The following TMEM244 variants were observed in gnomAD, a reference collection of about 807,000 sequenced individuals.
TMEM244 encodes transmembrane protein 244.
TMEM244 carries 13 observed loss-of-function variants against 15.8 expected under a neutral mutation model. The ratio of observed to expected loss-of-function variants is 0.82; its 90% confidence interval spans 0.53 to 1.30. TMEM244 has a LOEUF of 1.30. TMEM244 is among the 50% of genes most tolerant of loss of function. The pLI, the probability that TMEM244 is intolerant of heterozygous loss-of-function variation, is 0.00. For synonymous variants in TMEM244, 45 were observed against 48.7 expected, an observed-to-expected ratio of 0.92 and a Z score of 0.32; for missense variants, 161 against 144.9, an observed-to-expected ratio of 1.11 and a Z score of -0.57.
intron 1 of TMEM244, among the ~76,000 whole-genome samples, chr6:129,858,108 C>T (rs2876063): frequency 0.54 from 82,619 of 151,722 alleles, 23,099 homozygotes; most frequent in South Asian, 0.63. Context: ...ATTTTTATGA[C>T]GAGTTCTTGG....
At chr6:129,844,698 G>A (rs527285718) in intron 2 of TMEM244, among the ~76,000 whole-genome samples, 1 of 152,138 alleles carries the variant, frequency 6.6e-6, no homozygotes, top group African/African-American at 2.4e-5. Flanking sequence ...AGAGAGTCTT[G>A]CCTTCTCCTT....
chr6:129,837,183 G>A (rs182924596), intron 3 of TMEM244, among the ~76,000 whole-genome samples: 3 of 152,176 alleles, frequency 2.0e-5, no homozygotes, highest in African/African-American at 7.2e-5. Flanking sequence ...AGAAAGGTTG[G>A]GTTACCCACA....
At chr6:129,842,020 A>T (rs1776497784) in intron 3 of TMEM244, among the ~76,000 whole-genome samples, 1 of 152,138 alleles carries the variant, frequency 6.6e-6, no homozygotes, top group Non-Finnish European at 1.5e-5. Flanking sequence ...TCTTTGTACA[A>T]ATGTTTGTGT....
At chr6:129,853,963 G>T (rs1453345659) in intron 1 of TMEM244, among the ~76,000 whole-genome samples, 2 of 152,204 alleles carry the variant, frequency 1.3e-5, no homozygotes, top group African/African-American at 4.8e-5. Context: ...CTCTCCTGGA[G>T]TTGAAAGCCA....
intron 1 of TMEM244, among the ~76,000 whole-genome samples, chr6:129,857,149 G>T (rs944189519): frequency 5.9e-5 from 9 of 151,558 alleles, no homozygotes; most frequent in Admixed American, 2.0e-4. Flanking sequence ...TTTTAAAATT[G>T]TTTGTGTTAG....
chr6:129,839,024 T>C (rs1776449037), intron 3 of TMEM244, among the ~76,000 whole-genome samples: 1 of 152,204 alleles, frequency 6.6e-6, no homozygotes, highest in African/African-American at 2.4e-5. Flanking sequence ...GTACCATTCC[T>C]TCTGAAAGTA....
chr6:129,840,387 C>T (rs1776472523), intron 3 of TMEM244, among the ~76,000 whole-genome samples: 1 of 152,044 alleles, frequency 6.6e-6, no homozygotes, highest in African/African-American at 2.4e-5. Context: ...ATGCAGAAAA[C>T]TGAAACTGGA....
intron 1 of TMEM244, among the ~76,000 whole-genome samples, chr6:129,855,063 T>C (rs137988465): frequency 6.6e-6 from 1 of 152,274 alleles, no homozygotes; most frequent in African/African-American, 2.4e-5. Flanking sequence ...CTGGTCTAGG[T>C]GACAAACAGA....
chr6:129,835,951 A>C (rs4441964), intron 3 of TMEM244, among the ~76,000 whole-genome samples: 23,636 of 152,196 alleles, frequency 0.16, 2,999 homozygotes, highest in African/African-American at 0.34. Context: ...AGCAAGGCCT[A>C]CTGCCTCTAT....
chr6:129,850,165 A>G lies in TMEM244; in HGVS notation c.34-4313T>C, dbSNP rs372481180. Among the ~76,000 whole-genome samples, 647 of 152,324 alleles carry G rather than the reference A, an allele frequency of 4.2e-3. 2 individuals carry two copies. The highest frequency in any genetic ancestry group is 6.5e-3 in the Admixed American group (100 of 15,288). On this transcript the variant is annotated intron_variant, in intron 1 of 4. Transcript: ENST00000368143. ...ACTTATGATGAGCTGAGGCAGTGGC[A>G]GGGGTTGCCATAGGCACAAGAAGCA...
intron 3 of TMEM244, among the ~76,000 whole-genome samples, chr6:129,839,808 A>G (rs1475859784): frequency 6.6e-6 from 1 of 152,238 alleles, no homozygotes; most frequent in African/African-American, 2.4e-5. Context: ...GAGCCAAAAC[A>G]TGAGTGAACT....
At chr6:129,854,569 A>G (rs545464588) in intron 1 of TMEM244, among the ~76,000 whole-genome samples, 2 of 152,346 alleles carry the variant, frequency 1.3e-5, no homozygotes, top group South Asian at 4.1e-4. Flanking sequence ...CACTCATCCA[A>G]ATAAACATGT....
chr6:129,858,526 A>C (rs1776750631), intron 1 of TMEM244, among the ~76,000 whole-genome samples: 1 of 152,154 alleles, frequency 6.6e-6, no homozygotes, highest in Non-Finnish European at 1.5e-5. Context: ...GCAGGACAGA[A>C]TCAATCTCTA....
intron 4 of TMEM244, 59 bp from the exon 5 acceptor site, chr6:129,831,445 A>G: frequency 1.7e-6 from 2 of 1,190,404 alleles, no homozygotes; most frequent in Non-Finnish European, 2.5e-6. Flanking sequence ...TTGCTCAAGA[A>G]GAAATACGTC....
At chr6:129,855,455 T>G (rs1321736340) in intron 1 of TMEM244, among the ~76,000 whole-genome samples, 1 of 152,132 alleles carries the variant, frequency 6.6e-6, no homozygotes, top group Non-Finnish European at 1.5e-5. Context: ...TTTCCCCAAA[T>G]TCTCACAGGC....
At chr6:129,859,591 C>T (rs1776771912) in intron 1 of TMEM244, among the ~76,000 whole-genome samples, 1 of 152,222 alleles carries the variant, frequency 6.6e-6, no homozygotes, top group South Asian at 2.1e-4. Flanking sequence ...ATGCCGTCTA[C>T]TGGAGTAGAA....
chr6:129,831,936 G>A (rs1053491703), intron 4 of TMEM244, among the ~76,000 whole-genome samples: 19 of 152,156 alleles, frequency 1.2e-4, no homozygotes, highest in African/African-American at 4.3e-4. Flanking sequence ...TGTTGGGGGC[G>A]GGGTGTCCAG....
Position 129,843,565 on chromosome 6 carries a change from T to C in TMEM244, c.158A>G (p.Lys53Arg). The C allele has an allele frequency of 6.2e-7, 1 of 1,612,700 alleles. No homozygotes were observed. The highest frequency in any genetic ancestry group is 8.5e-7 in the Non-Finnish European group (1 of 1,178,996). The change falls in exon 3 of 5, where the codon AAA (lysine) becomes AGA (arginine). Residue 53 changes from lysine (K) to arginine (R), a missense_variant. By Grantham distance (26) the Lys-to-Arg change is conservative (BLOSUM62 2). Transcript: ENST00000368143. ...ELNVLAPFDF[K>R]TNPSWLNINY... Reference sequence around the variant, plus strand: ...TATGTTGAGCCATGAGGGATTTGTTTTGAAATCAAATGGAGCCAGGACATT... The same window carrying C: ...TATGTTGAGCCATGAGGGATTTGTTCTGAAATCAAATGGAGCCAGGACATT...
intron 1 of TMEM244, among the ~76,000 whole-genome samples, chr6:129,857,817 CATAT>C (rs200895353): frequency 7.4e-5 from 11 of 149,650 alleles, no homozygotes; most frequent in Admixed American, 3.4e-4. Context: ...TATATACACA[CATAT>C]ATATATGTGT....
Sources: gnomAD v4.1 joint callset for allele counts (sites outside exome capture counted in the v4.1 genomes callset) on GRCh38, gnomAD v4.1.1 for gene constraint, MANE v1.5 for transcripts, NCBI Gene and HGNC (gene_info 2026-07-23, HGNC 2026-07-21) for gene names.